SYN2: variants seen among roughly 807,000 people sequenced by gnomAD.
SYN2 encodes synapsin II.
Under a neutral mutation model 50.9 loss-of-function variants are expected in SYN2, and 19 were observed. The ratio of observed to expected loss-of-function variants is 0.37; its 90% CI spans 0.26 to 0.55. SYN2 has a LOEUF of 0.55. Among genes scored for constraint, SYN2 ranks in the 20% least tolerant of loss-of-function variants. The pLI, the probability that SYN2 is intolerant of heterozygous loss-of-function variation, is 0.81. For synonymous variants in SYN2, 255 were observed against 224.9 expected (o/e 1.13, Z -1.20); for missense variants, 587 against 576.4 (o/e 1.02, Z -0.19).
intron 1 of SYN2, among the ~76,000 whole-genome samples, chr3:12,091,821 A>G (rs867255061): frequency 2.6e-5 from 4 of 152,200 alleles, no homozygotes; most frequent in Non-Finnish European, 4.4e-5. Flanking sequence ...CACCAAATAA[A>G]TGTAAGCAGC....
chr3:12,109,195 A>G (rs1000656291), intron 1 of SYN2, among the ~76,000 whole-genome samples: 2 of 152,232 alleles, frequency 1.3e-5, no homozygotes, highest in African/African-American at 4.8e-5. Context: ...AAACAGACAC[A>G]GATGACACAG....
intron 1 of SYN2, among the ~76,000 whole-genome samples, chr3:12,072,880 G>A (rs1695389211): frequency 6.6e-6 from 1 of 152,072 alleles, no homozygotes; most frequent in Non-Finnish European, 1.5e-5. Flanking sequence ...ATTAAAATAT[G>A]TATTGTTCTC....
chr3:12,069,766 TG>T (rs1428914393), intron 1 of SYN2, among the ~76,000 whole-genome samples: 1 of 151,962 alleles, frequency 6.6e-6, no homozygotes, highest in Non-Finnish European at 1.5e-5. Flanking sequence ...TTTATCCTAC[TG>T]GGTGTGATTT....
intron 5 of SYN2, chr3:12,158,666 AC>A (rs1490707592): frequency 6.2e-7 from 1 of 1,605,280 alleles, no homozygotes. Flanking sequence ...CCCCACAACC[AC>A]CCCCTGCTGT....
Position 12,004,629 on chromosome 3 carries a change from G to A in SYN2, c.78G>A (p.Leu26=). The A allele has an allele frequency of 3.7e-6, 2 of 538,766 alleles. No individual in the cohort carries two copies. Among genetic ancestry groups the A allele is most frequent in the Non-Finnish European group, 6.9e-6 (2 of 289,822 alleles). 33.4% of individuals were successfully genotyped at this position (538,766 alleles called of 1,614,324 possible). ...TGCCCAACGGCTACATGACCGACCT[G>A]CAGCGGCCCGAGCCCCAGCAGCCGC... The part of the protein sequence containing the change: ...ANLPNGYMTD[L]QRPEPQQPPP... The change falls in exon 1 of 13, where the codon CTG becomes CTA. Residue 26 remains leucine (L), a synonymous_variant. Coordinates refer to ENST00000621198, the MANE Select transcript of SYN2 (RefSeq NM_133625.6).
intron 4 of SYN2, among the ~76,000 whole-genome samples, chr3:12,146,543 T>C (rs1697154010): frequency 1.3e-5 from 2 of 152,222 alleles, no homozygotes; most frequent in African/African-American, 4.8e-5. Context: ...ATATCATTAT[T>C]GTCACTTTTT....
chr3:12,136,988 A>G (rs777189038), intron 1 of SYN2, among the ~76,000 whole-genome samples: 17 of 152,178 alleles, frequency 1.1e-4, no homozygotes, highest in African/African-American at 3.6e-4. Context: ...ACTCACTCCT[A>G]TCATCCCAGC....
At chr3:12,167,329 C>T in intron 8 of SYN2, 21 bp downstream of exon 8, 1 of 1,604,180 alleles carries the variant, frequency 6.2e-7, no homozygotes, top group African/African-American at 1.3e-5. Context: ...AGAAGGAGTC[C>T]AGTTTCCAGC....
At chr3:12,122,860 T>G (rs1696589915) in intron 1 of SYN2, among the ~76,000 whole-genome samples, 1 of 151,850 alleles carries the variant, frequency 6.6e-6, no homozygotes, top group Admixed American at 6.6e-5. Context: ...GATTTAAAAT[T>G]GTAGGAACAA....
chr3:12,039,668 A>G (rs779077758), intron 1 of SYN2, among the ~76,000 whole-genome samples: 1 of 149,970 alleles, frequency 6.7e-6, no homozygotes, highest in Non-Finnish European at 1.5e-5. Flanking sequence ...AAGGTGTGCC[A>G]TGAGTTATTT....
chr3:12,087,918 A>T (rs1004039226), intron 1 of SYN2, among the ~76,000 whole-genome samples: 3 of 125,540 alleles, frequency 2.4e-5, no homozygotes, highest in Non-Finnish European at 4.8e-5. Context: ...CACATCATAT[A>T]AAAAAAAAAC....
chr3:12,125,500 A>G (rs112332585), intron 1 of SYN2, among the ~76,000 whole-genome samples: 15 of 152,210 alleles, frequency 9.9e-5, no homozygotes, highest in African/African-American at 3.4e-4. Context: ...GAGATATCCA[A>G]CTTCCAATAC....
At chr3:12,159,049 A>G (rs1365813565) in intron 5 of SYN2, 1 of 623,352 alleles carries the variant, frequency 1.6e-6, no homozygotes, top group Non-Finnish European at 2.6e-6. Context: ...ATACTCAGTA[A>G]GATGCAGAGG....
chr3:12,085,369 A>ACGCACGCACGCACGCACG (rs1302420459), intron 1 of SYN2, among the ~76,000 whole-genome samples: 10 of 149,840 alleles, frequency 6.7e-5, no homozygotes. Flanking sequence ...ACACACACAC[A>ACGCACGCACGCACGCACG]CACACACACA....
intron 1 of SYN2, among the ~76,000 whole-genome samples, chr3:12,134,513 C>A (rs1181932213): frequency 6.6e-6 from 1 of 152,236 alleles, no homozygotes; most frequent in East Asian, 1.9e-4. Context: ...TCCTATGTGG[C>A]TAATTCCTAC....
At chr3:12,161,883 T>C (rs997786060) in intron 6 of SYN2, 129 bp from the exon 7 acceptor site, 3 of 1,340,054 alleles carry the variant, frequency 2.2e-6, no homozygotes, top group African/African-American at 2.9e-5. Flanking sequence ...CCTGGGGAGA[T>C]GTGGCACCCA....
chr3:12,036,689 G>A, intron 1 of SYN2, among the ~76,000 whole-genome samples: 1 of 152,166 alleles, frequency 6.6e-6, no homozygotes, highest in East Asian at 1.9e-4. Flanking sequence ...TTCTCTCATT[G>A]TCTTGATGAA....
intron 1 of SYN2, among the ~76,000 whole-genome samples, chr3:12,046,775 GATTAGATA>G (rs1169723809): frequency 6.6e-6 from 1 of 152,156 alleles, no homozygotes; most frequent in East Asian, 1.9e-4. Flanking sequence ...CTTGATGATT[GATTAGATA>G]AGAAATGAAG....
chr3:12,115,830 C>A (rs192520494), intron 1 of SYN2, among the ~76,000 whole-genome samples: 1 of 152,288 alleles, frequency 6.6e-6, no homozygotes, highest in African/African-American at 2.4e-5. Context: ...CTGTGAACTT[C>A]TGATGAATTG....
Sources: gnomAD v4.1 joint callset for allele counts (sites outside exome capture counted in the v4.1 genomes callset) on GRCh38, gnomAD v4.1.1 for gene constraint, MANE v1.5 for transcripts, NCBI Gene and HGNC (gene_info 2026-07-23, HGNC 2026-07-21) for gene names.